Variants in NOP14 observed in about 807,000 individuals in gnomAD.
NOP14 encodes the protein nucleolar protein 14.
Under a neutral mutation model 101.6 loss-of-function variants are expected in NOP14, and 57 were observed. That is an observed-to-expected ratio of 0.56 (90% CI 0.45 to 0.70). The LOEUF is 0.70. NOP14 is among the 30% of genes least tolerant of loss of function. The pLI, the probability that NOP14 is intolerant of heterozygous loss-of-function variation, is 0.00. For missense variants in NOP14, 1,134 were observed against 1,075.5 expected, an observed-to-expected ratio of 1.05 and a Z score of -0.76; for synonymous variants, 428 against 424.0, an observed-to-expected ratio of 1.01 and a Z score of -0.12.
intron 1 of NOP14, among the ~76,000 whole-genome samples, chr4:2,960,340 G>T (rs937181151): frequency 1.3e-5 from 2 of 151,928 alleles, no homozygotes; most frequent in Non-Finnish European, 2.9e-5. Flanking sequence ...TAGCAGGAAG[G>T]GGGTAGATGG....
chr4:2,959,042 G>A (rs890713383), intron 1 of NOP14, among the ~76,000 whole-genome samples: 1 of 151,974 alleles, frequency 6.6e-6, no homozygotes, highest in Non-Finnish European at 1.5e-5. Flanking sequence ...AAAAGGATGT[G>A]AAAAAACCAT....
At chr4:2,962,230 G>C (rs552857903) in intron 1 of NOP14, among the ~76,000 whole-genome samples, 21 of 152,294 alleles carry the variant, frequency 1.4e-4, no homozygotes, top group African/African-American at 5.1e-4. Flanking sequence ...AGGCTTCAGT[G>C]GTGAAGACAA....
intron 6 of NOP14, 94 bp from the exon 7 acceptor site, chr4:2,951,339 A>C: frequency 8.6e-7 from 1 of 1,160,950 alleles, no homozygotes; most frequent in South Asian, 1.5e-5. Flanking sequence ...GGCTGGGCCT[A>C]CGGTCCTCCC....
At chr4:2,951,356 G>C in intron 6 of NOP14, 111 bp from the exon 7 acceptor site, 1 of 880,716 alleles carries the variant, frequency 1.1e-6, no homozygotes, top group Non-Finnish European at 1.7e-6. Context: ...TCCCAGCTCT[G>C]AGGCTGGTGC....
At chr4:2,961,151 A>T (rs1304955806) in intron 1 of NOP14, among the ~76,000 whole-genome samples, 40 of 37,800 alleles carry the variant, frequency 1.1e-3, no homozygotes, top group African/African-American at 2.5e-3. Flanking sequence ...ATACTAATAT[A>T]ATAATATATT....
At chr4:2,961,264 T>C (rs1715872243) in intron 1 of NOP14, 3 of 87,486 alleles carry the variant, frequency 3.4e-5, no homozygotes, top group Non-Finnish European at 8.8e-5. Context: ...ATTAATAATA[T>C]AGTTAGTATA....
chr4:2,956,106 ACT>A (rs1261577583), intron 3 of NOP14, among the ~76,000 whole-genome samples: 2 of 152,078 alleles, frequency 1.3e-5, no homozygotes, highest in Admixed American at 6.5e-5. Context: ...TGAATCTTAA[ACT>A]CTGTTAACAT....
chr4:2,963,344 G>T lies in NOP14; in HGVS notation c.-25C>A. On this transcript the variant is annotated 5_prime_UTR_variant, in exon 1 of 18. Coordinates refer to ENST00000416614, the MANE Select transcript of NOP14 (RefSeq NM_001291978.2). Reference sequence around the variant, plus strand: ...TGGCGCGCGCCCCGCTGCGCCCAAGGGCCCGAGACCCGAAGAGAGACAGGC... The same window carrying T: ...TGGCGCGCGCCCCGCTGCGCCCAAGTGCCCGAGACCCGAAGAGAGACAGGC... The T allele has an allele frequency of 6.5e-7, 1 of 1,543,540 alleles. No homozygotes were observed. The highest frequency in any genetic ancestry group is 8.7e-7 in the Non-Finnish European group (1 of 1,151,344).
chr4:2,945,142 G>T lies in NOP14; in HGVS notation c.1723C>A (p.Gln575Lys). 1 of 1,588,622 alleles carries T rather than the reference G, an allele frequency of 6.3e-7. No homozygotes were observed. The highest frequency in any genetic ancestry group is 1.1e-5 in the South Asian group (1 of 87,104). ...VVTPALVCLS[Q>K]LLTKCPILSL... ...AGAGAACGCACCTTGGTGAGCAGCT[G>T]ACTGAGGCACACGAGGGCAGGGGTC... is the stretch of plus-strand genomic sequence containing the variant. Residue 575 changes from glutamine (Q) to lysine (K), a missense_variant, in exon 12 of 18, where the codon CAG (glutamine) becomes AAG (lysine). Transcript: ENST00000416614.
At chr4:2,962,305 G>A (rs1443737069) in intron 1 of NOP14, among the ~76,000 whole-genome samples, 2 of 152,184 alleles carry the variant, frequency 1.3e-5, no homozygotes, top group East Asian at 3.8e-4. Context: ...TGTGTAATGA[G>A]GGACTCCTAT....
Position 2,943,499 on chromosome 4 carries a change from G to T in NOP14, c.1891+574C>A, listed in dbSNP as rs1022333322. ...GGGCTGGCATCAGGGGAAGGGGGAG[G>T]AGCACAGGGGCTGGGGTGAGGGCCC... On this transcript the variant is annotated intron_variant, in intron 13 of 17. Coordinates refer to ENST00000416614, the MANE Select transcript of NOP14 (RefSeq NM_001291978.2). Among the ~76,000 whole-genome samples the T allele has an allele frequency of 1.8e-4, 27 of 152,212 alleles. 1 individual carries two copies. The highest frequency in any genetic ancestry group is 1.4e-3 in the Admixed American group (22 of 15,282).
chr4:2,943,913 C>T (rs1313205232), intron 13 of NOP14, among the ~76,000 whole-genome samples, 160 bp downstream of exon 13: 3 of 152,236 alleles, frequency 2.0e-5, no homozygotes, highest in African/African-American at 7.2e-5. Flanking sequence ...CCATGTGGCG[C>T]GTGCACACGC....
chr4:2,952,652 C>T lies in NOP14; in HGVS notation c.748-255G>A, dbSNP rs546416411. ...AATTCTCAGAATACATCTGCTTTAA[C>T]GAAAACAGGCCAGGTGCAGTGGCTC... On this transcript the variant is annotated intron_variant, in intron 5 of 17. Coordinates refer to ENST00000416614, the MANE Select transcript of NOP14 (RefSeq NM_001291978.2). Among the ~76,000 whole-genome samples the T allele has an allele frequency of 1.1e-3, 173 of 152,224 alleles. 1 individual carries two copies. The highest frequency in any genetic ancestry group is 1.2e-3 in the Non-Finnish European group (84 of 68,006).
chr4:2,939,369 G>A, intron 16 of NOP14, 26 bp from the exon 17 acceptor site: 4 of 1,613,844 alleles, frequency 2.5e-6, no homozygotes, highest in South Asian at 1.1e-5. Context: ...CACTGTTAAG[G>A]AAGCAAGAGT....
chr4:2,939,955 C>T (rs1025545110), intron 15 of NOP14, among the ~76,000 whole-genome samples: 6 of 152,198 alleles, frequency 3.9e-5, no homozygotes, highest in Non-Finnish European at 7.3e-5. Flanking sequence ...ATAGCCTGTG[C>T]TCCTCACAGC....
At chr4:2,943,720 A>G (rs1488824843) in intron 13 of NOP14, among the ~76,000 whole-genome samples, 2 of 152,268 alleles carry the variant, frequency 1.3e-5, no homozygotes, top group Non-Finnish European at 2.9e-5. Context: ...ACCTTATCTA[A>G]CCCCAAATAC....
intron 13 of NOP14, among the ~76,000 whole-genome samples, chr4:2,943,710 A>T (rs976875345): frequency 6.6e-6 from 1 of 152,266 alleles, no homozygotes; most frequent in African/African-American, 2.4e-5. Context: ...TTAACAATAG[A>T]CCTTATCTAA....
Position 2,956,676 on chromosome 4 carries a change from A to T in NOP14, c.466T>A (p.Leu156Met). The T allele has an allele frequency of 1.9e-6, 3 of 1,611,890 alleles. No homozygotes were observed. Among genetic ancestry groups the T allele is most frequent in the Non-Finnish European group, 2.5e-6 (3 of 1,179,420 alleles). The change falls in exon 3 of 18, where the codon TTG becomes ATG. Residue 156 changes from leucine to methionine, a missense_variant. Leu to Met is a conservative substitution (Grantham distance 15). Transcript: ENST00000416614. ...CACAGCACCCCAGCCTCACCAGACA[A>T]CGTTCCTCGATCCTCAGCATCGCTG... ...SDSDAEDRGT[L>M]SAELTAAHFG...
At chr4:2,939,862 T>C (rs775751723) in intron 15 of NOP14, among the ~76,000 whole-genome samples, 18 of 152,316 alleles carry the variant, frequency 1.2e-4, no homozygotes, top group Non-Finnish European at 2.4e-4. Flanking sequence ...GTAAAGCCAC[T>C]GTCTTCTTGA....
Sources: allele counts gnomAD v4.1 joint callset (sites outside exome capture counted in the v4.1 genomes callset), GRCh38; gene constraint gnomAD v4.1.1; transcripts MANE v1.5; gene names NCBI Gene and HGNC (gene_info 2026-07-23, HGNC 2026-07-21).